The following CALN1 variants were observed in gnomAD, a reference collection of about 807,000 sequenced individuals.
The protein encoded by CALN1 is calcium-binding protein 8.
CALN1 carries 17 observed loss-of-function variants against 30.6 expected under a neutral mutation model. The observed-to-expected ratio is 0.56, with a 90% CI of 0.38 to 0.83. The LOEUF is 0.83. Among genes scored for constraint, CALN1 ranks in the 40% least tolerant of loss-of-function variants. The pLI, the probability that CALN1 is intolerant of heterozygous loss-of-function variation, is 0.00. For synonymous variants in CALN1, 156 were observed against 131.4 expected (o/e 1.19, Z -1.28); for missense variants, 291 against 354.9 (o/e 0.82, Z 1.45).
At chr7:72,459,356 A>G in the CALN1 span, among the ~76,000 whole-genome samples, 1 of 152,184 alleles carries the variant, frequency 6.6e-6, no homozygotes, top group Non-Finnish European at 1.5e-5. Flanking sequence ...CAATAAGTAA[A>G]TAGTTGTCTT....
chr7:72,445,220 C>T (rs1808491815), intron 1 of CALN1, among the ~76,000 whole-genome samples: 1 of 152,196 alleles, frequency 6.6e-6, no homozygotes, highest in African/African-American at 2.4e-5. Context: ...TCAAGCCTCT[C>T]TTGGCTTCCC....
intron 4 of CALN1, among the ~76,000 whole-genome samples, chr7:72,097,017 G>T (rs1387953862): frequency 1.3e-5 from 2 of 152,156 alleles, no homozygotes; most frequent in African/African-American, 4.8e-5. Context: ...TAGGGACATG[G>T]ATGAAGCTGG....
chr7:71,932,815 C>CAAAA (rs5884864), intron 5 of CALN1, among the ~76,000 whole-genome samples: 87 of 82,660 alleles, frequency 1.1e-3, no homozygotes, highest in East Asian at 3.4e-3. Context: ...TACTCCATCT[C>CAAAA]AAAAAAAAAA....
chr7:72,155,125 C>G (rs1216899754), intron 3 of CALN1, among the ~76,000 whole-genome samples: 1 of 152,122 alleles, frequency 6.6e-6, no homozygotes, highest in Non-Finnish European at 1.5e-5. Flanking sequence ...CTCACTTTCT[C>G]TCCCTGCATG....
intron 2 of CALN1, among the ~76,000 whole-genome samples, chr7:72,362,189 A>C (rs1483948215): frequency 6.6e-6 from 1 of 152,224 alleles, no homozygotes; most frequent in Non-Finnish European, 1.5e-5. Flanking sequence ...GGGTTAGCAC[A>C]ATTAAAGATG....
At chr7:71,854,338 AAAAAATAAC>A (rs1261053170) in intron 5 of CALN1, among the ~76,000 whole-genome samples, 1 of 152,054 alleles carries the variant, frequency 6.6e-6, no homozygotes, top group African/African-American at 2.4e-5. Flanking sequence ...ACTCCCTCTA[AAAAAATAAC>A]AATAAAAAAC....
chr7:72,407,939 T>G (rs527347566), intron 1 of CALN1, among the ~76,000 whole-genome samples: 1 of 152,222 alleles, frequency 6.6e-6, no homozygotes, highest in Non-Finnish European at 1.5e-5. Flanking sequence ...TCCTTCAGTC[T>G]GGAGGATCAG....
At chr7:72,421,873 T>C (rs549994511) in intron 1 of CALN1, among the ~76,000 whole-genome samples, 2 of 152,300 alleles carry the variant, frequency 1.3e-5, no homozygotes, top group East Asian at 3.9e-4. Flanking sequence ...AATGAGAATA[T>C]ATGGCATTTG....
At chr7:72,232,807 T>C (rs1794204345) in intron 3 of CALN1, among the ~76,000 whole-genome samples, 1 of 152,158 alleles carries the variant, frequency 6.6e-6, no homozygotes, top group African/African-American at 2.4e-5. Context: ...AAACATATGA[T>C]ATATTGAAAT....
chr7:72,008,396 A>C (rs1430506254), intron 5 of CALN1, among the ~76,000 whole-genome samples: 1 of 152,030 alleles, frequency 6.6e-6, no homozygotes, highest in Non-Finnish European at 1.5e-5. Flanking sequence ...GAAGAAGAAA[A>C]TTTATATCTA....
At chr7:71,845,591 C>G (rs557066194) in intron 5 of CALN1, among the ~76,000 whole-genome samples, 16 of 152,190 alleles carry the variant, frequency 1.1e-4, no homozygotes, top group African/African-American at 1.9e-4. Context: ...GCCCTTTCCC[C>G]CTAGCCCTGA....
intron 6 of CALN1, among the ~76,000 whole-genome samples, chr7:71,794,132 C>G (rs752198866): frequency 8.6e-5 from 13 of 151,950 alleles, no homozygotes; most frequent in Non-Finnish European, 1.6e-4. Context: ...GCGTGAGGAG[C>G]CTGAATTCCA....
intron 5 of CALN1, among the ~76,000 whole-genome samples, chr7:71,984,681 G>A (rs1798571299): frequency 1.3e-5 from 2 of 152,214 alleles, no homozygotes; most frequent in South Asian, 4.2e-4. Flanking sequence ...GGAGAGATAT[G>A]GGAGACCCAT....
chr7:72,271,575 A>AATATATATATATATAT (rs1410679506), intron 3 of CALN1, among the ~76,000 whole-genome samples: 38 of 52,050 alleles, frequency 7.3e-4, no homozygotes, highest in South Asian at 4.6e-3. Flanking sequence ...AAAAAAAAAA[A>AATATATATATATATAT]ATATATATAT....
At chr7:72,491,311 G>A in the CALN1 span, among the ~76,000 whole-genome samples, 2 of 151,970 alleles carry the variant, frequency 1.3e-5, no homozygotes, top group Non-Finnish European at 2.9e-5. Flanking sequence ...GCTCATGTCT[G>A]TAATTCTAGC....
Position 71,786,964 on chromosome 7 carries a change from A to G in CALN1, c.*811T>C, listed in dbSNP as rs1344087102. 2.6e-5 allele frequency: 4 copies of G among 152,658 alleles called. No individual in the cohort carries two copies. The East Asian group carries it at 7.7e-4, about 29-fold the overall frequency. 9.5% of individuals were successfully genotyped at this position (152,658 alleles called of 1,614,324 possible). On this transcript the variant is annotated 3_prime_UTR_variant, in exon 7 of 7. Transcript: ENST00000395275. ...TCACACACGAAGAAGCCAAATATATATATCTGTCTATGTTATAGAGATGCC... is the reference window on the plus strand; with the variant it reads ...TCACACACGAAGAAGCCAAATATATGTATCTGTCTATGTTATAGAGATGCC...
intron 2 of CALN1, among the ~76,000 whole-genome samples, chr7:72,327,612 T>C (rs1344533665): frequency 6.6e-6 from 1 of 152,238 alleles, no homozygotes; most frequent in African/African-American, 2.4e-5. Flanking sequence ...TTTGCACTTC[T>C]ACATTTTCCT....
At chr7:72,142,695 C>A (rs1397523442) in intron 3 of CALN1, among the ~76,000 whole-genome samples, 2 of 152,148 alleles carry the variant, frequency 1.3e-5, no homozygotes, top group Non-Finnish European at 2.9e-5. Context: ...GGTCCTTGAC[C>A]CCCGAGTAGC....
At chr7:72,024,570 T>G (rs1800929014) in intron 4 of CALN1, among the ~76,000 whole-genome samples, 1 of 152,086 alleles carries the variant, frequency 6.6e-6, no homozygotes, top group Admixed American at 6.6e-5. Context: ...GGCTAATTTT[T>G]GTATTTTTAG....
Sources: allele counts gnomAD v4.1 joint callset (sites outside exome capture counted in the v4.1 genomes callset), GRCh38; gene constraint gnomAD v4.1.1; transcripts MANE v1.5; gene names NCBI Gene and HGNC (gene_info 2026-07-23, HGNC 2026-07-21).